PDE1A: variants seen among roughly 807,000 people sequenced by gnomAD.
PDE1A encodes the protein dual specificity calcium/calmodulin-dependent 3',5'-cyclic nucleotide phosphodiesterase 1A.
In PDE1A, 35 loss-of-function variants were observed where a neutral mutation model predicts 61.7. The observed-to-expected ratio is 0.57, with a 90% CI of 0.43 to 0.75. The LOEUF is 0.75. Ranked by LOEUF, PDE1A falls within the 30% of genes least tolerant of loss-of-function variation. The pLI, the probability that PDE1A is intolerant of heterozygous loss-of-function variation, is 0.00. For missense variants in PDE1A, 597 were observed against 630.6 expected, an observed-to-expected ratio of 0.95 and a Z score of 0.57; for synonymous variants, 232 against 213.2, an observed-to-expected ratio of 1.09 and a Z score of -0.77.
intron 1 of PDE1A, among the ~76,000 whole-genome samples, chr2:182,393,258 G>A (rs1009822637): frequency 6.6e-6 from 1 of 152,198 alleles, no homozygotes; most frequent in Non-Finnish European, 1.5e-5. Context: ...CAAGGTTTGG[G>A]GCTTGCACCC....
At chr2:182,462,360 A>ATG (rs1228511732) in intron 2 of PDE1A, among the ~76,000 whole-genome samples, 4 of 151,206 alleles carry the variant, frequency 2.6e-5, no homozygotes, top group Admixed American at 6.6e-5. Flanking sequence ...TCTTATATAT[A>ATG]TGTGTGTGTA....
chr2:182,157,682 G>A (rs1276837639), intron 13 of PDE1A, among the ~76,000 whole-genome samples: 1 of 152,098 alleles, frequency 6.6e-6, no homozygotes, highest in Non-Finnish European at 1.5e-5. Context: ...GTAAGTATCT[G>A]TTACAGAAGA....
chr2:182,532,826 T>C, the PDE1A span, among the ~76,000 whole-genome samples: 140 of 151,274 alleles, frequency 9.3e-4, 1 homozygote, highest in African/African-American at 3.2e-3. Flanking sequence ...TGGGCGCCTG[T>C]AGTCCCAGCT....
chr2:182,286,551 TAGTG>T (rs1239795203), intron 1 of PDE1A, among the ~76,000 whole-genome samples: 1 of 152,148 alleles, frequency 6.6e-6, no homozygotes. Flanking sequence ...AGTTCCTGAT[TAGTG>T]AGTGATTTCG....
At chr2:182,467,021 A>G (rs1252489593) in intron 2 of PDE1A, among the ~76,000 whole-genome samples, 2 of 151,996 alleles carry the variant, frequency 1.3e-5, no homozygotes, top group African/African-American at 4.8e-5. Flanking sequence ...AAAGGCAGCT[A>G]GAGATTAAAG....
the PDE1A span, among the ~76,000 whole-genome samples, chr2:182,715,725 G>C: frequency 2.6e-5 from 4 of 152,274 alleles, no homozygotes; most frequent in Non-Finnish European, 5.9e-5. Context: ...TCAAATGCTT[G>C]TTGATACACA....
chr2:182,524,982 T>G (rs1463427813), upstream of PDE1A, among the ~76,000 whole-genome samples: 2 of 151,864 alleles, frequency 1.3e-5, no homozygotes, highest in African/African-American at 4.8e-5. Context: ...ATTGCCAAAA[T>G]GTAATATAAC....
chr2:182,337,824 T>TA (rs571035857), intron 1 of PDE1A, among the ~76,000 whole-genome samples: 65 of 151,886 alleles, frequency 4.3e-4, no homozygotes, highest in African/African-American at 1.4e-3. Context: ...TATAGGATTT[T>TA]AAAAAAAAAG....
At chr2:182,383,997 T>C (rs1010340552) in intron 1 of PDE1A, among the ~76,000 whole-genome samples, 1 of 152,192 alleles carries the variant, frequency 6.6e-6, no homozygotes, top group African/African-American at 2.4e-5. Context: ...CTTGGTGCCA[T>C]ATTGGAGCAC....
chr2:182,655,430 T>C, the PDE1A span, among the ~76,000 whole-genome samples: 454 of 152,324 alleles, frequency 3.0e-3, 6 homozygotes, highest in East Asian at 0.042. Context: ...ACCAGCCTTA[T>C]ATTCTGCACC....
chr2:182,435,834 AT>A lies in PDE1A; in HGVS notation c.101+86441del, dbSNP rs1395708685. Among the ~76,000 whole-genome samples, 5 of 152,042 alleles carry A rather than the reference AT, an allele frequency of 3.3e-5. No individual in the cohort carries two copies. In the East Asian group the frequency reaches 5.8e-4, roughly 18 times the overall value. ...AATATAATGCTAAATTGGATTAGCA[AT>A]TTTTTTAAGTCTGCTTAAGCTTTCA... is the stretch of plus-strand genomic sequence containing the variant. On this transcript the variant is annotated intron_variant, in intron 2 of 14. Transcript: ENST00000410103.
chr2:182,491,025 A>G (rs1385669115), intron 2 of PDE1A, among the ~76,000 whole-genome samples: 1 of 152,186 alleles, frequency 6.6e-6, no homozygotes, highest in African/African-American at 2.4e-5. Flanking sequence ...ATAATCATTC[A>G]TGGTTATATT....
intron 1 of PDE1A, among the ~76,000 whole-genome samples, chr2:182,404,818 A>T (rs1428033009): frequency 6.6e-6 from 1 of 152,188 alleles, no homozygotes; most frequent in African/African-American, 2.4e-5. Context: ...TTAACAATGC[A>T]TTCTTTTGAA....
chr2:182,578,055 G>A, the PDE1A span, among the ~76,000 whole-genome samples: 1 of 152,108 alleles, frequency 6.6e-6, no homozygotes, highest in East Asian at 1.9e-4. Context: ...ATTAAAAAGT[G>A]TCTTTGCACA....
At chr2:182,657,668 CT>C in the PDE1A span, among the ~76,000 whole-genome samples, 1 of 152,022 alleles carries the variant, frequency 6.6e-6, no homozygotes, top group Non-Finnish European at 1.5e-5. Context: ...GCTATTTCTT[CT>C]AGGAATATTT....
intron 10 of PDE1A, among the ~76,000 whole-genome samples, chr2:182,196,617 G>T (rs764799592): frequency 6.6e-6 from 1 of 151,684 alleles, no homozygotes. Flanking sequence ...CCTTAACCTC[G>T]TCCAAGGAAT....
the PDE1A span, among the ~76,000 whole-genome samples, chr2:182,606,399 C>G: frequency 6.6e-6 from 1 of 152,184 alleles, no homozygotes; most frequent in Non-Finnish European, 1.5e-5. Context: ...AGGCTGTTCT[C>G]GAACTCCTGA....
chr2:182,523,570 C>T (rs995758439), upstream of PDE1A, among the ~76,000 whole-genome samples: 2 of 152,120 alleles, frequency 1.3e-5, no homozygotes, highest in Admixed American at 6.5e-5. Flanking sequence ...AGTTTTATTT[C>T]TTCTTGCAAG....
At chr2:182,200,075 T>C (rs1686488930) in intron 10 of PDE1A, among the ~76,000 whole-genome samples, 1 of 152,300 alleles carries the variant, frequency 6.6e-6, no homozygotes, top group African/African-American at 2.4e-5. Flanking sequence ...GAACAAACTT[T>C]CAAAATAAAG....
Sources: allele counts gnomAD v4.1 joint callset (sites outside exome capture counted in the v4.1 genomes callset), GRCh38; gene constraint gnomAD v4.1.1; transcripts MANE v1.5; gene names NCBI Gene and HGNC (gene_info 2026-07-23, HGNC 2026-07-21).